The following ELL variants were observed in gnomAD, a reference collection of about 807,000 sequenced individuals.
ELL encodes elongation factor for RNA polymerase II.
A neutral mutation model predicts 64.0 loss-of-function variants in ELL; 18 were observed. The observed-to-expected ratio is 0.28, with a 90% CI of 0.19 to 0.42. The LOEUF (loss-of-function observed/expected upper bound fraction) is 0.42, where lower values mean the gene tolerates loss of function less well. ELL is among the 10% of genes least tolerant of loss of function. The pLI is 1.00. For synonymous variants in ELL, 399 were observed against 376.2 expected (o/e 1.06, Z -0.70); for missense variants, 797 against 870.4 (o/e 0.92, Z 1.06).
intron 1 of ELL, among the ~76,000 whole-genome samples, chr19:18,513,238 A>G (rs1291723277): frequency 6.6e-6 from 1 of 152,044 alleles, no homozygotes; most frequent in Non-Finnish European, 1.5e-5. Context: ...CACCTGCCTC[A>G]CCTCACCTCA....
chr19:18,443,198 G>A lies in ELL; in HGVS notation c.*1554C>T. Reference sequence around the variant, plus strand: ...CTGGAGCCTGCTCGGCCCTTCCCCGGCCCGGCCCGGCCCAAAGAGAAAAAC... The same window carrying A: ...CTGGAGCCTGCTCGGCCCTTCCCCGACCCGGCCCGGCCCAAAGAGAAAAAC... On this transcript the variant is annotated 3_prime_UTR_variant, in exon 12 of 12. Coordinates refer to ENST00000262809, the MANE Select transcript of ELL (RefSeq NM_006532.4). 1 of 231,322 alleles carries A rather than the reference G, an allele frequency of 4.3e-6. No homozygotes were observed. Among genetic ancestry groups the A allele is most frequent in the Middle Eastern group, 1.3e-3 (1 of 774 alleles). 14.3% of individuals were successfully genotyped at this position (231,322 alleles called of 1,614,324 possible). A position where few individuals can be genotyped will look rare whatever the true frequency, so the allele number is the denominator to read the frequency against.
intron 7 of ELL, 98 bp from the exon 8 acceptor site, chr19:18,451,073 A>G: frequency 7.1e-7 from 1 of 1,403,032 alleles, no homozygotes; most frequent in South Asian, 1.7e-5. Flanking sequence ...CGCCGCCTGC[A>G]AGGCCCACGC....
chr19:18,490,424 C>T (rs1975503319), intron 1 of ELL, among the ~76,000 whole-genome samples: 1 of 152,200 alleles, frequency 6.6e-6, no homozygotes, highest in Non-Finnish European at 1.5e-5. Context: ...CAGGTCATTG[C>T]CTGACTTGGT....
intron 1 of ELL, among the ~76,000 whole-genome samples, chr19:18,498,696 C>G (rs905748556): frequency 1.3e-5 from 2 of 152,174 alleles, no homozygotes; most frequent in Non-Finnish European, 2.9e-5. Context: ...GTGGCTCATG[C>G]CTGTGGCACT....
At position 18,501,739 on chromosome 19, in the gene ELL, G is replaced by A. The variant is rs1424859705; in HGVS notation, c.135+20182C>T. On this transcript the variant is annotated intron_variant, in intron 1 of 11. Coordinates refer to ENST00000262809, the MANE Select transcript of ELL (RefSeq NM_006532.4). This position sits in a 1 kb window ranked among gnomAD's most constrained non-coding sequence, Gnocchi z 4.5. ...CATCACATAAAAGCAAAAGAAACTT[G>A]AAACCACCAATCCAGGCAAATTCGG... Among the ~76,000 whole-genome samples the A allele has an allele frequency of 6.6e-6, 1 of 152,160 alleles. No individual in the cohort carries two copies. Among genetic ancestry groups the A allele is most frequent in the Non-Finnish European group, 1.5e-5 (1 of 68,028 alleles).
intron 1 of ELL, among the ~76,000 whole-genome samples, chr19:18,519,226 C>T (rs1043600542): frequency 7.4e-5 from 11 of 148,496 alleles, no homozygotes; most frequent in African/African-American, 1.0e-4. Flanking sequence ...AGCAAGACTC[C>T]GTCTCAAAAA....
chr19:18,451,804 C>G (rs1974544593), intron 6 of ELL, among the ~76,000 whole-genome samples, 156 bp from the exon 7 acceptor site: 1 of 152,180 alleles, frequency 6.6e-6, no homozygotes, highest in Non-Finnish European at 1.5e-5. Flanking sequence ...GAGCCTGGGC[C>G]TGAGGCCATC....
intron 5 of ELL, among the ~76,000 whole-genome samples, chr19:18,459,979 A>G (rs1974768916): frequency 6.6e-6 from 1 of 152,196 alleles, no homozygotes; most frequent in South Asian, 2.1e-4. Flanking sequence ...AGTAGGTCAA[A>G]GGCTGAATAT....
intron 1 of ELL, among the ~76,000 whole-genome samples, chr19:18,488,874 G>A (rs927544455): frequency 6.6e-6 from 1 of 152,228 alleles, no homozygotes; most frequent in Admixed American, 6.5e-5. Flanking sequence ...GTCAGAATGT[G>A]TCTTTTCTCC....
chr19:18,465,696 A>G, intron 3 of ELL, 101 bp downstream of exon 3: 2 of 1,467,390 alleles, frequency 1.4e-6, no homozygotes, highest in Non-Finnish European at 1.8e-6. Context: ...ACACCATCTC[A>G]GGCAATATGG....
chr19:18,446,306 T>TAC lies in ELL; in HGVS notation c.1704+1_1704+2dup, dbSNP rs1019630233. ...GGCACAGTAGGCAGCGGGGGGGCTCTACCTCATACTCCTCGGAGCCCTGGG... is the reference window on the plus strand; with the variant it reads ...GGCACAGTAGGCAGCGGGGGGGCTCTACACCTCATACTCCTCGGAGCCCTGGG... On this transcript the variant is annotated splice_region_variant and intron_variant, in intron 10 of 11. Transcript: ENST00000262809. The TAC allele has an allele frequency of 3.8e-6, 6 of 1,573,210 alleles. No homozygotes were observed. Among genetic ancestry groups the TAC allele is most frequent in the Non-Finnish European group, 4.3e-6 (5 of 1,162,970 alleles).
chr19:18,522,051 G>T lies in ELL; in HGVS notation c.5C>A (p.Ala2Glu), dbSNP rs760597419. Reference sequence around the variant, plus strand: ...GTAGCTCCTATCCTCCTTCAGCGCCGCCATCTTGCGACCATCTCTCCCCCG... The same window carrying T: ...GTAGCTCCTATCCTCCTTCAGCGCCTCCATCTTGCGACCATCTCTCCCCCG... M[A>E]ALKEDRSYGL... The change falls in exon 1 of 12, where the codon GCG becomes GAG. Residue 2 changes from alanine (A) to glutamate (E), a missense_variant. Ala to Glu is a moderately radical substitution (Grantham distance 107). Transcript: ENST00000262809. 5 of 1,601,164 alleles carry T rather than the reference G, an allele frequency of 3.1e-6. No homozygotes were observed. Among genetic ancestry groups the T allele is most frequent in the Admixed American group, 1.7e-5 (1 of 59,286 alleles).
At chr19:18,517,979 G>C (rs1568403055) in intron 1 of ELL, among the ~76,000 whole-genome samples, 1 of 151,826 alleles carries the variant, frequency 6.6e-6, no homozygotes, top group Non-Finnish European at 1.5e-5. Context: ...CCAGCACTTT[G>C]GGAGGCCAAG....
At chr19:18,469,860 C>T (rs1447120243) in intron 2 of ELL, among the ~76,000 whole-genome samples, 3 of 152,234 alleles carry the variant, frequency 2.0e-5, no homozygotes, top group African/African-American at 7.2e-5. Context: ...CTGCACTCCC[C>T]ACCTGACCCC....
At chr19:18,454,392 G>T (rs906938257) in intron 6 of ELL, among the ~76,000 whole-genome samples, 8 of 152,072 alleles carry the variant, frequency 5.3e-5, no homozygotes, top group African/African-American at 1.7e-4. Context: ...CCAGCTACTC[G>T]CGAGGCTGAG....
intron 8 of ELL, among the ~76,000 whole-genome samples, chr19:18,447,816 C>T (rs1437740512): frequency 6.7e-6 from 1 of 150,328 alleles, no homozygotes; most frequent in African/African-American, 2.5e-5. Flanking sequence ...CAGGGTCTTG[C>T]TCTGCCACCC....
At chr19:18,491,414 A>C (rs1017001920) in intron 1 of ELL, among the ~76,000 whole-genome samples, 4 of 151,924 alleles carry the variant, frequency 2.6e-5, no homozygotes, top group African/African-American at 9.7e-5. Flanking sequence ...TGCCAGGCCA[A>C]AATCAGTAGA....
chr19:18,507,007 A>G lies in ELL; in HGVS notation c.135+14914T>C, dbSNP rs555619925. Among the ~76,000 whole-genome samples the G allele has an allele frequency of 2.4e-4, 36 of 152,194 alleles. 1 individual carries two copies. The highest frequency in any genetic ancestry group is 1.3e-3 in the Admixed American group (20 of 15,284). ...TGTGGCTCCAGGCACATGGCCCTCG[A>G]CCAGTGGGAGCCTGTGCACAGGTAA... is the stretch of plus-strand genomic sequence containing the variant. On this transcript the variant is annotated intron_variant, in intron 1 of 11. Transcript: ENST00000262809.
Position 18,458,755 on chromosome 19 carries a change from C to A in ELL, c.745-426G>T, listed in dbSNP as rs1040862353. On this transcript the variant is annotated intron_variant, in intron 5 of 11. Coordinates refer to ENST00000262809, the MANE Select transcript of ELL (RefSeq NM_006532.4). ...TCAAGCGACCCTCCCACGTCAGCCT[C>A]CCAGGTAGGTGGGGCCACAGGTGTG... Among the ~76,000 whole-genome samples, 5 of 152,298 alleles carry A rather than the reference C, an allele frequency of 3.3e-5. No homozygotes were observed. In the East Asian group the frequency reaches 9.7e-4, roughly 29 times the overall value.
Sources: gnomAD v4.1 joint callset for allele counts (sites outside exome capture counted in the v4.1 genomes callset) on GRCh38, gnomAD v4.1.1 for gene constraint, Gnocchi (gnomAD v3.1) non-coding constraint, MANE v1.5 for transcripts, NCBI Gene and HGNC (gene_info 2026-07-23, HGNC 2026-07-21) for gene names.